Variants in RBFOX1 observed in about 807,000 individuals in gnomAD.
RBFOX1 encodes RNA binding protein fox-1 homolog 1.
Under a neutral mutation model 57.7 loss-of-function variants are expected in RBFOX1, and 8 were observed. The observed-to-expected ratio is 0.14, with a 90% CI of 0.08 to 0.25. RBFOX1 has a LOEUF of 0.25. Among genes scored for constraint, RBFOX1 ranks in the 10% least tolerant of loss-of-function variants. The pLI is 1.00. For missense variants in RBFOX1, 611 were observed against 548.5 expected (o/e 1.11, Z -1.14); for synonymous variants, 326 against 222.4 (o/e 1.47, Z -4.15).
chr16:5,999,046 G>A (rs1393445244), intron 4 of RBFOX1, among the ~76,000 whole-genome samples: 2 of 152,188 alleles, frequency 1.3e-5, no homozygotes, highest in African/African-American at 4.8e-5. Context: ...ATCACAGACT[G>A]CCTGAGACCT....
intron 4 of RBFOX1, among the ~76,000 whole-genome samples, chr16:7,101,275 T>C (rs528662085): frequency 1.2e-3 from 184 of 152,294 alleles, no homozygotes; most frequent in African/African-American, 4.1e-3. Flanking sequence ...CAGTGCCAGC[T>C]CGCCGCTAGC....
At chr16:6,316,887 C>G (rs995986958) in intron 1 of RBFOX1, 108 bp from the exon 2 acceptor site, 3 of 767,198 alleles carry the variant, frequency 3.9e-6, no homozygotes, top group Non-Finnish European at 6.3e-6. Flanking sequence ...ACAATATAGT[C>G]AGAACCTATT....
intron 4 of RBFOX1, among the ~76,000 whole-genome samples, chr16:5,894,197 T>A (rs936773157): frequency 6.6e-6 from 1 of 152,202 alleles, no homozygotes; most frequent in Non-Finnish European, 1.5e-5. Context: ...ACCACTCTGT[T>A]TCTTTTAGTG....
At chr16:6,103,206 G>C (rs879768414) in intron 1 of RBFOX1, among the ~76,000 whole-genome samples, 11 of 152,150 alleles carry the variant, frequency 7.2e-5, no homozygotes, top group Non-Finnish European at 1.0e-4. Context: ...TGAAGAGGAG[G>C]CTTGGGGTCT....
At chr16:5,729,173 G>A (rs1355576676) in intron 3 of RBFOX1, among the ~76,000 whole-genome samples, 1 of 152,200 alleles carries the variant, frequency 6.6e-6, no homozygotes, top group Non-Finnish European at 1.5e-5. Flanking sequence ...CAAACTGTGT[G>A]TCTTTGGGCG....
intron 11 of RBFOX1, among the ~76,000 whole-genome samples, chr16:7,648,424 C>T (rs2064205728): frequency 6.6e-6 from 1 of 152,076 alleles, no homozygotes; most frequent in African/African-American, 2.4e-5. Flanking sequence ...GGGGTTACAT[C>T]ATGTTTCCCA....
At chr16:5,960,132 C>T (rs573442698) in intron 4 of RBFOX1, among the ~76,000 whole-genome samples, 2 of 152,158 alleles carry the variant, frequency 1.3e-5, no homozygotes, top group South Asian at 2.1e-4. Context: ...ACCCAAGTGG[C>T]GGAGGCTGCA....
In RBFOX1 at chr16:6,518,301, G is replaced by A. The variant is rs536024875; in HGVS notation, c.-63-136302G>A. 1.2e-4 allele frequency among the ~76,000 whole-genome samples: 18 copies of A among 152,228 alleles called. 1 individual carries two copies. In the South Asian group the frequency reaches 2.3e-3, roughly 19 times the overall value. On this transcript the variant is annotated intron_variant, in intron 2 of 15. Coordinates refer to ENST00000550418, the MANE Select transcript of RBFOX1 (RefSeq NM_018723.4). ...AAGTTTTCATCTCACTTGAGGAGGG[G>A]AAAAAATTATTGCAAGATACGTGAT...
intron 1 of RBFOX1, among the ~76,000 whole-genome samples, chr16:5,389,742 G>T (rs1387889866): frequency 6.6e-6 from 1 of 151,510 alleles, no homozygotes; most frequent in African/African-American, 2.4e-5. Context: ...CTGTTGCCCA[G>T]GCTGGAGTGC....
chr16:5,718,983 A>AAC (rs1346539997), intron 3 of RBFOX1, among the ~76,000 whole-genome samples: 3 of 151,740 alleles, frequency 2.0e-5, no homozygotes, highest in Non-Finnish European at 2.9e-5. Flanking sequence ...TAAAAAAAAA[A>AAC]AACAATATTC....
chr16:5,886,479 A>G (rs939065342), intron 4 of RBFOX1, among the ~76,000 whole-genome samples: 6 of 152,248 alleles, frequency 3.9e-5, no homozygotes, highest in African/African-American at 1.4e-4. Flanking sequence ...CCATTTCTCC[A>G]TGGATCATTC....
chr16:6,605,557 G>A (rs2097914240), intron 2 of RBFOX1, among the ~76,000 whole-genome samples: 1 of 152,074 alleles, frequency 6.6e-6, no homozygotes, highest in Non-Finnish European at 1.5e-5. Flanking sequence ...TGTCATCGGA[G>A]TGATCGGAGT....
chr16:6,522,327 T>C (rs1661522969), intron 2 of RBFOX1, among the ~76,000 whole-genome samples: 1 of 152,126 alleles, frequency 6.6e-6, no homozygotes, highest in Non-Finnish European at 1.5e-5. Flanking sequence ...ATTCCAGAGA[T>C]GATATTTGTT....
chr16:5,395,724 T>G (rs2066533529), intron 1 of RBFOX1, among the ~76,000 whole-genome samples: 1 of 152,180 alleles, frequency 6.6e-6, no homozygotes, highest in Admixed American at 6.5e-5. Context: ...CACCTCTGAT[T>G]ATGTTAAATA....
chr16:7,419,677 C>T (rs1028539009), intron 4 of RBFOX1, among the ~76,000 whole-genome samples: 1 of 152,190 alleles, frequency 6.6e-6, no homozygotes, highest in South Asian at 2.1e-4. Context: ...TCAAAATTGA[C>T]TTGCTCTCCC....
chr16:6,891,465 T>TAGAGAG (rs746798605), intron 3 of RBFOX1, among the ~76,000 whole-genome samples: 27 of 148,548 alleles, frequency 1.8e-4, no homozygotes, highest in African/African-American at 6.4e-4. Flanking sequence ...ACACACACAC[T>TAGAGAG]AGAGAGAGAG....
intron 2 of RBFOX1, among the ~76,000 whole-genome samples, chr16:6,616,678 A>G (rs1601637229): frequency 6.6e-6 from 1 of 152,170 alleles, no homozygotes; most frequent in Admixed American, 6.5e-5. Context: ...CAGGTGATCT[A>G]CCTGCCTCTG....
At chr16:6,304,793 G>A (rs2079258950) in intron 1 of RBFOX1, among the ~76,000 whole-genome samples, 1 of 150,052 alleles carries the variant, frequency 6.7e-6, no homozygotes, top group African/African-American at 2.5e-5. Context: ...GCTGAGGCCG[G>A]AGAAGGGAGG....
chr16:6,924,444 C>T (rs941036236), intron 3 of RBFOX1, among the ~76,000 whole-genome samples: 5 of 152,092 alleles, frequency 3.3e-5, no homozygotes, highest in Non-Finnish European at 7.4e-5. Flanking sequence ...TCACTCATCA[C>T]TAAGGGGATG....
Sources: allele counts gnomAD v4.1 joint callset (sites outside exome capture counted in the v4.1 genomes callset), GRCh38; gene constraint gnomAD v4.1.1; transcripts MANE v1.5; gene names NCBI Gene and HGNC (gene_info 2026-07-23, HGNC 2026-07-21).